The following KALRN variants were observed in gnomAD, a reference collection of about 807,000 sequenced individuals.
KALRN encodes the protein kalirin RhoGEF kinase, also known as kalirin.
A neutral mutation model predicts 353.7 loss-of-function variants in KALRN; 70 were observed. The observed-to-expected ratio is 0.20, with a 90% CI of 0.16 to 0.24. The LOEUF (loss-of-function observed/expected upper bound fraction) is 0.24. KALRN is among the 10% of genes least tolerant of loss of function. KALRN has a pLI of 1.00. For missense variants in KALRN, 2,791 were observed against 3,756.7 expected (o/e 0.74, Z 6.72); for synonymous variants, 1,391 against 1,434.8 (o/e 0.97, Z 0.69).
intron 33 of KALRN, among the ~76,000 whole-genome samples, chr3:124,553,006 T>A (rs535060555): frequency 1.3e-5 from 2 of 152,322 alleles, no homozygotes; most frequent in East Asian, 3.9e-4. Flanking sequence ...CCTCAGGTGA[T>A]CTGCCTACCT....
chr3:124,426,119 C>T (rs2093006693), intron 15 of KALRN, among the ~76,000 whole-genome samples: 1 of 152,292 alleles, frequency 6.6e-6, no homozygotes, highest in Non-Finnish European at 1.5e-5. Flanking sequence ...GCCACCATGC[C>T]TCATTAGACA....
intron 1 of KALRN, among the ~76,000 whole-genome samples, chr3:124,208,400 A>C (rs1420534890): frequency 1.3e-5 from 2 of 152,328 alleles, no homozygotes; most frequent in East Asian, 1.9e-4. Flanking sequence ...TATGAAAGGA[A>C]AGGGACTTCT....
chr3:124,495,965 GTATATATATATATA>G (rs768441029), intron 32 of KALRN, among the ~76,000 whole-genome samples: 7,142 of 41,502 alleles, frequency 0.17, 1,080 homozygotes, highest in Middle Eastern at 0.25. Context: ...GTGTATGTAT[GTATATATATATATA>G]TATATATATA....
chr3:124,353,636 C>T (rs1400727477), intron 10 of KALRN, among the ~76,000 whole-genome samples: 1 of 151,852 alleles, frequency 6.6e-6, no homozygotes, highest in Non-Finnish European at 1.5e-5. Context: ...TCTCTTCTTG[C>T]CAGAGATGAT....
intron 14 of KALRN, among the ~76,000 whole-genome samples, chr3:124,421,272 AAAC>A (rs1436467878): frequency 2.6e-5 from 4 of 152,212 alleles, no homozygotes; most frequent in South Asian, 2.1e-4. Flanking sequence ...CCAAATCAAG[AAAC>A]AACATGTGTC....
intron 33 of KALRN, among the ~76,000 whole-genome samples, chr3:124,538,894 G>A (rs1046909359): frequency 2.0e-5 from 3 of 152,170 alleles, no homozygotes; most frequent in Admixed American, 6.5e-5. Context: ...AAATAGGTCC[G>A]GAGAGAGTCA....
chr3:124,562,664 C>T, intron 33 of KALRN, 179 bp from the exon 34 acceptor site: 1 of 427,530 alleles, frequency 2.3e-6, no homozygotes, highest in Non-Finnish European at 4.1e-6. Context: ...CTCAACTCTC[C>T]TTTTCATCTT....
intron 7 of KALRN, among the ~76,000 whole-genome samples, chr3:124,328,450 A>C (rs2080154269): frequency 6.6e-6 from 1 of 152,196 alleles, no homozygotes; most frequent in Non-Finnish European, 1.5e-5. Context: ...ATTGCAGAGA[A>C]ATCCCATGAG....
intron 1 of KALRN, among the ~76,000 whole-genome samples, chr3:124,189,869 G>A (rs940029412): frequency 1.3e-5 from 2 of 150,698 alleles, no homozygotes; most frequent in Admixed American, 1.3e-4. Context: ...AACCCAGGAG[G>A]CAGAGGTTGC....
At chr3:124,211,224 A>G (rs2076871387) in intron 1 of KALRN, among the ~76,000 whole-genome samples, 1 of 152,198 alleles carries the variant, frequency 6.6e-6, no homozygotes, top group Admixed American at 6.5e-5. Flanking sequence ...GCTAATTCTC[A>G]TAATAGCCTT....
chr3:124,144,915 C>G (rs559134083), intron 1 of KALRN, among the ~76,000 whole-genome samples: 15 of 152,256 alleles, frequency 9.9e-5, no homozygotes, highest in Non-Finnish European at 1.8e-4. Context: ...ATAGAGTGTT[C>G]TTACTCTGTA....
At chr3:124,566,372 G>A (rs994620037) in intron 34 of KALRN, among the ~76,000 whole-genome samples, 1 of 152,068 alleles carries the variant, frequency 6.6e-6, no homozygotes, top group Non-Finnish European at 1.5e-5. Flanking sequence ...GTGGGGTGGT[G>A]TGCACCTATA....
At chr3:124,163,099 A>G (rs74631503) in intron 1 of KALRN, 4 of 150,986 alleles carry the variant, frequency 2.6e-5, no homozygotes, top group South Asian at 2.1e-4. Context: ...TATGAGAAGG[A>G]TTTTTTTTTT....
At chr3:124,604,381 C>A (rs73191655) in intron 34 of KALRN, among the ~76,000 whole-genome samples, 12,634 of 152,182 alleles carry the variant, frequency 0.083, 575 homozygotes, top group East Asian at 0.14. Flanking sequence ...AAGAGCCACT[C>A]TTGGTGCTGC....
At chr3:124,305,916 A>G (rs947018272) in intron 6 of KALRN, among the ~76,000 whole-genome samples, 6 of 152,200 alleles carry the variant, frequency 3.9e-5, no homozygotes, top group African/African-American at 1.4e-4. Context: ...AAAACAGTCA[A>G]TAGAAATCAC....
In KALRN at chr3:124,488,272, C is replaced by T. The variant is rs769015690; in HGVS notation, c.4353C>T (p.Val1451=). Residue 1451 remains valine (V), a synonymous_variant, in exon 29 of 60, where the codon GTC becomes GTT. Coordinates refer to ENST00000682506, the MANE Select transcript of KALRN (RefSeq NM_001388419.1). ...LKDGLEVMLS[V]PKKANDAMHV... The stretch of plus-strand genomic sequence containing the variant: ...ATGGCCTGGAGGTGATGCTCAGTGT[C>T]CCAAAGAAAGCCAATGATGCCATGC... 6.2e-7 allele frequency: 1 copy of T among 1,613,840 alleles called. No homozygotes were observed.
chr3:124,172,514 G>A (rs944306383), intron 1 of KALRN, among the ~76,000 whole-genome samples: 2 of 152,160 alleles, frequency 1.3e-5, no homozygotes, highest in African/African-American at 4.8e-5. Flanking sequence ...GATACACAAG[G>A]CCAGGCCCTG....
chr3:124,585,712 A>G (rs938340422), intron 34 of KALRN, among the ~76,000 whole-genome samples: 4 of 152,186 alleles, frequency 2.6e-5, no homozygotes, highest in Admixed American at 6.5e-5. Flanking sequence ...ATGTCACTTT[A>G]ACACACGCTA....
chr3:124,619,572 C>T (rs1473455453), intron 34 of KALRN, among the ~76,000 whole-genome samples: 5 of 151,044 alleles, frequency 3.3e-5, no homozygotes, highest in East Asian at 2.0e-4. Flanking sequence ...ACTGCAACCC[C>T]GCCTCCCAGG....
Sources: gnomAD v4.1 joint callset for allele counts (sites outside exome capture counted in the v4.1 genomes callset) on GRCh38, gnomAD v4.1.1 for gene constraint, MANE v1.5 for transcripts, NCBI Gene and HGNC (gene_info 2026-07-23, HGNC 2026-07-21) for gene names.